Variants in STRA8 observed in about 807,000 individuals in gnomAD.
STRA8 encodes the protein stimulated by retinoic acid gene 8 protein homolog.
STRA8 carries 18 observed loss-of-function variants against 37.1 expected under a neutral mutation model. The observed-to-expected ratio is 0.48, with a 90% confidence interval of 0.34 to 0.72. The LOEUF is 0.72. Ranked by LOEUF, STRA8 falls within the 30% of genes least tolerant of loss-of-function variation. The probability of loss-of-function intolerance (pLI) is 0.01; values close to 1 mark genes in which losing one functional copy is unlikely to be tolerated. For synonymous variants in STRA8, 168 were observed against 162.9 expected (o/e 1.03, Z -0.24); for missense variants, 357 against 410.4 (o/e 0.87, Z 1.13).
At position 135,242,947 on chromosome 7, in the gene STRA8, A is replaced by G. The variant is rs187431823; in HGVS notation, c.268+91A>G. 4 of 1,363,914 alleles carry G rather than the reference A, an allele frequency of 2.9e-6. No individual in the cohort carries two copies. The South Asian group carries it at 3.6e-5, about 12-fold the overall frequency. 84.5% of individuals were successfully genotyped at this position (1,363,914 alleles called of 1,614,324 possible). On this transcript the variant is annotated intron_variant, in intron 3 of 8. Coordinates refer to ENST00000662584, the MANE Select transcript of STRA8 (RefSeq NM_001394401.1). Reference sequence around the variant, plus strand: ...GAAAACAGAAGTTGGGTTACAATGAATCAACAAATATTTATTGAGGGCCTA... The same window carrying G: ...GAAAACAGAAGTTGGGTTACAATGAGTCAACAAATATTTATTGAGGGCCTA...
chr7:135,242,940 A>G (rs754551698), intron 3 of STRA8, 84 bp downstream of exon 3: 183 of 1,417,358 alleles, frequency 1.3e-4, no homozygotes, highest in African/African-American at 2.8e-5. Context: ...AAGTTGGGTT[A>G]CAATGAATCA....
chr7:135,252,749 A>G (rs1223815606), intron 7 of STRA8, among the ~76,000 whole-genome samples: 1 of 152,134 alleles, frequency 6.6e-6, no homozygotes, highest in Non-Finnish European at 1.5e-5. Flanking sequence ...TCCATTATAT[A>G]CTAAATGCCA....
chr7:135,256,048 C>T (rs1351290804), intron 8 of STRA8, among the ~76,000 whole-genome samples: 1 of 152,168 alleles, frequency 6.6e-6, no homozygotes, highest in African/African-American at 2.4e-5. Context: ...GAGGGCCATT[C>T]CTGGAAGCTT....
chr7:135,246,985 C>G lies in STRA8; in HGVS notation c.879+283C>G. 2.8e-6 allele frequency: 1 copy of G among 359,004 alleles called. No individual in the cohort carries two copies. Among genetic ancestry groups the G allele is most frequent in the Non-Finnish European group, 5.0e-6 (1 of 199,668 alleles). The allele number at this position is 359,004 out of a possible 1,614,324, so 22.2% of individuals were successfully genotyped here. A position where few individuals can be genotyped will look rare whatever the true frequency, so the allele number is the denominator to read the frequency against. The stretch of plus-strand genomic sequence containing the variant: ...TCAGCCTCCCGAATAGCTGGGACTA[C>G]AGGCGCCCGCCACCACGCCCGGCTA... On this transcript the variant is annotated intron_variant, in intron 6 of 8. Transcript: ENST00000662584. The surrounding 1 kb of genome is among the most constrained non-coding windows in gnomAD (Gnocchi z 5.4).
chr7:135,256,402 G>A (rs1340205263), intron 8 of STRA8, among the ~76,000 whole-genome samples: 2 of 151,976 alleles, frequency 1.3e-5, no homozygotes, highest in East Asian at 3.8e-4. Context: ...AGTTAAATTA[G>A]CCCACTTTAT....
At chr7:135,241,946 T>A (rs1177701380) in intron 2 of STRA8, among the ~76,000 whole-genome samples, 10 of 152,020 alleles carry the variant, frequency 6.6e-5, no homozygotes, top group Non-Finnish European at 1.3e-4. Flanking sequence ...TTGAATAATC[T>A]TGCTGTTACC....
Position 135,246,470 on chromosome 7 carries a change from T to C in STRA8, c.647T>C (p.Ile216Thr), listed in dbSNP as rs761472426. The change falls in exon 6 of 9, where the codon ATT becomes ACT. Residue 216 changes from isoleucine (I) to threonine (T), a missense_variant. By Grantham distance (89) the Ile-to-Thr change is moderately conservative. Coordinates refer to ENST00000662584, the MANE Select transcript of STRA8 (RefSeq NM_001394401.1). The surrounding 1 kb of genome is among the most constrained non-coding windows in gnomAD (Gnocchi z 5.4). ...GACCTTCTGACTGGCAGCGGGATCA[T>C]TACCCCGCAGGAGGCGGCGCTGCCC... ...TMDLLTGSGI[I>T]TPQEAALPIV... 2 of 1,596,408 alleles carry C rather than the reference T, an allele frequency of 1.3e-6. No individual in the cohort carries two copies. Among genetic ancestry groups the C allele is most frequent in the East Asian group, 2.3e-5 (1 of 44,158 alleles).
At chr7:135,255,053 A>G in intron 7 of STRA8, 61 bp from the exon 8 acceptor site, 1 of 1,314,410 alleles carries the variant, frequency 7.6e-7, no homozygotes, top group Non-Finnish European at 1.1e-6. Context: ...GGGAGGGGGA[A>G]GCAGAGTTGA....
Position 135,240,513 on chromosome 7 carries a change from T to G in STRA8, c.-6-6T>G. ...GCAAAAAAAAAAGCATACTATTACA[T>G]TACAGCTTATAATGGCAACCCCTGA... On this transcript the variant is annotated splice_polypyrimidine_tract_variant and splice_region_variant and intron_variant, in intron 1 of 8. Coordinates refer to ENST00000662584, the MANE Select transcript of STRA8 (RefSeq NM_001394401.1). 6.2e-7 allele frequency: 1 copy of G among 1,611,520 alleles called. No homozygotes were observed. Among genetic ancestry groups the G allele is most frequent in the South Asian group, 1.1e-5 (1 of 90,570 alleles).
chr7:135,241,561 G>T (rs1311799690), intron 2 of STRA8, among the ~76,000 whole-genome samples: 1 of 152,136 alleles, frequency 6.6e-6, no homozygotes, highest in Non-Finnish European at 1.5e-5. Flanking sequence ...CTCTGCTCAT[G>T]CAGTTAGCTC....
chr7:135,233,156 T>A (rs1832317990), upstream of STRA8, among the ~76,000 whole-genome samples: 2 of 151,998 alleles, frequency 1.3e-5, no homozygotes, highest in Non-Finnish European at 2.9e-5. Flanking sequence ...GAAAAATGAA[T>A]TTTTTTTCCA....
At chr7:135,249,498 C>T (rs1293996558) in intron 6 of STRA8, among the ~76,000 whole-genome samples, 2 of 152,156 alleles carry the variant, frequency 1.3e-5, no homozygotes, top group African/African-American at 2.4e-5. Context: ...GCAGGATAAT[C>T]GCTTGAACCT....
intron 1 of STRA8, among the ~76,000 whole-genome samples, chr7:135,239,936 G>C (rs1832434495): frequency 6.6e-6 from 1 of 151,968 alleles, no homozygotes; most frequent in Non-Finnish European, 1.5e-5. Context: ...AGTCTAAAGT[G>C]TACCCCTTGA....
Position 135,245,399 on chromosome 7 carries a change from A to G in STRA8, c.465A>G (p.Glu155=), listed in dbSNP as rs532742822. The change falls in exon 5 of 9, where the codon GAA becomes GAG. Residue 155 remains glutamate (E), a synonymous_variant. Transcript: ENST00000662584. ...ATGAGGAAGAGGAAGATCAAGAAGA[A>G]GAGGAGGAGGAAGAAGAAGAGGAGG... ...EEDEEEEDQE[E]EEEEEEEEEE... 2.1e-5 allele frequency: 15 copies of G among 730,384 alleles called. No homozygotes were observed. The highest frequency in any genetic ancestry group is 2.3e-4 in the Middle Eastern group (1 of 4,374). The allele number at this position is 730,384 out of a possible 1,614,324, so 45.2% of individuals were successfully genotyped here.
chr7:135,255,258 C>T, intron 8 of STRA8, 33 bp downstream of exon 8: 6 of 1,546,558 alleles, frequency 3.9e-6, no homozygotes, highest in South Asian at 1.1e-5. Flanking sequence ...GGTACCTCTG[C>T]CCACCTTGCT....
chr7:135,242,139 GAGGAAGGA>G (rs1832475356), intron 2 of STRA8, among the ~76,000 whole-genome samples: 2 of 135,450 alleles, frequency 1.5e-5, no homozygotes, highest in Admixed American at 7.6e-5. Context: ...GGGAGGAAGG[GAGGAAGGA>G]AGGAGGGAAG....
intron 4 of STRA8, among the ~76,000 whole-genome samples, chr7:135,243,918 C>T (rs1562970406): frequency 6.6e-6 from 1 of 152,086 alleles, no homozygotes; most frequent in South Asian, 2.1e-4. Context: ...ACTTCAGCAA[C>T]GAAAAGGAAC....
chr7:135,245,050 C>A (rs545507586), intron 4 of STRA8, among the ~76,000 whole-genome samples: 1 of 152,108 alleles, frequency 6.6e-6, no homozygotes, highest in Non-Finnish European at 1.5e-5. Context: ...GCTTTTTCTG[C>A]ATCTATTGAG....
intron 2 of STRA8, among the ~76,000 whole-genome samples, chr7:135,242,051 GAGA>G (rs869100372): frequency 0.12 from 55 of 476 alleles, no homozygotes; most frequent in African/African-American, 0.17. Flanking sequence ...AAGGAAGGAA[GAGA>G]AGAGGAGGAA....
Sources: allele counts gnomAD v4.1 joint callset (sites outside exome capture counted in the v4.1 genomes callset), GRCh38; gene constraint gnomAD v4.1.1; non-coding constraint Gnocchi (gnomAD v3.1); transcripts MANE v1.5; gene names NCBI Gene and HGNC (gene_info 2026-07-23, HGNC 2026-07-21).